TMEM220: variants seen among roughly 807,000 people sequenced by gnomAD.
The protein encoded by TMEM220 is transmembrane protein 220.
In TMEM220, 21 loss-of-function variants were observed where a neutral mutation model predicts 21.7. The observed-to-expected ratio is 0.97, with a 90% CI of 0.69 to 1.39. The LOEUF (loss-of-function observed/expected upper bound fraction) is 1.39. Among genes scored for constraint, TMEM220 ranks in the 40% most tolerant of loss-of-function variants. The pLI is 0.00. For missense variants in TMEM220, 191 were observed against 201.9 expected, an observed-to-expected ratio of 0.95 and a Z score of 0.33; for synonymous variants, 80 against 73.6, an observed-to-expected ratio of 1.09 and a Z score of -0.45.
intron 5 of TMEM220, among the ~76,000 whole-genome samples, chr17:10,719,421 C>T (rs1011688165): frequency 6.6e-6 from 1 of 152,144 alleles, no homozygotes; most frequent in African/African-American, 2.4e-5. Context: ...GCACCCGCCA[C>T]CATGCCCGGC....
chr17:10,720,076 C>T (rs1396028731), intron 5 of TMEM220, among the ~76,000 whole-genome samples: 2 of 152,192 alleles, frequency 1.3e-5, no homozygotes, highest in African/African-American at 4.8e-5. Flanking sequence ...GCTGGCAAGG[C>T]TATGGGGAAA....
At chr17:10,724,909 G>T (rs1176178016) in intron 4 of TMEM220, 102 bp downstream of exon 4, 17 of 1,496,492 alleles carry the variant, frequency 1.1e-5, no homozygotes, top group Middle Eastern at 4.1e-4. Context: ...GGTACACTGG[G>T]GGAATTCAGT....
Position 10,725,129 on chromosome 17 carries a change from C to A in TMEM220, c.169G>T (p.Val57Phe). 6.2e-7 allele frequency: 1 copy of A among 1,613,800 alleles called. No homozygotes were observed. The highest frequency in any genetic ancestry group is 8.5e-7 in the Non-Finnish European group (1 of 1,179,834). The change falls in exon 4 of 6, where the codon GTT becomes TTT. Residue 57 changes from valine (V) to phenylalanine (F), a missense_variant. Transcript: ENST00000341871. ...VGLNPEVTGN[V>F]IWKSISAIHI... ...ATTGCAGAGATACTTTTCCAAATAA[C>A]ATTACCTAAAAATAGATGTTCTGAT...
chr17:10,719,934 A>T lies in TMEM220; in HGVS notation c.347+3336T>A, dbSNP rs1007612023. Among the ~76,000 whole-genome samples, 3 of 152,220 alleles carry T rather than the reference A, an allele frequency of 2.0e-5. 1 individual carries two copies. The highest frequency in any genetic ancestry group is 2.0e-4 in the Admixed American group (3 of 15,284). On this transcript the variant is annotated intron_variant, in intron 5 of 5. Transcript: ENST00000341871. ...AGATAGACCAAGATTTTTATAGAAAAAGAAATATAAATGGCTCTGAACCAT... is the reference window on the plus strand; with the variant it reads ...AGATAGACCAAGATTTTTATAGAAATAGAAATATAAATGGCTCTGAACCAT...
chr17:10,715,513 G>A lies in TMEM220; in HGVS notation c.423C>T (p.Tyr141=), dbSNP rs1345761387. The A allele has an allele frequency of 6.2e-7, 1 of 1,606,464 alleles. No individual in the cohort carries two copies. The highest frequency in any genetic ancestry group is 1.7e-5 in the Admixed American group (1 of 57,770). ...ACCGCATTTCCTTGTTAATATATATGTAGACCCATGAGATAAATGGGAAAA... is the reference window on the plus strand; with the variant it reads ...ACCGCATTTCCTTGTTAATATATATATAGACCCATGAGATAAATGGGAAAA... The part of the protein sequence containing the change: ...ITLFPFISWV[Y]IYINKEMRSS... Residue 141 remains tyrosine, a synonymous_variant, in exon 6 of 6, where the codon TAC becomes TAT. Coordinates refer to ENST00000341871, the MANE Select transcript of TMEM220 (RefSeq NM_001004313.3).
At chr17:10,726,454 A>G in intron 2 of TMEM220, 190 bp from the exon 3 acceptor site, 1 of 612,448 alleles carries the variant, frequency 1.6e-6, no homozygotes, top group East Asian at 2.8e-5. Context: ...TCTGCCTGCA[A>G]TTTTATCTAC....
chr17:10,719,456 C>G (rs758245280), intron 5 of TMEM220, among the ~76,000 whole-genome samples: 2 of 152,014 alleles, frequency 1.3e-5, no homozygotes, highest in Non-Finnish European at 2.9e-5. Flanking sequence ...TTAGTAGAGA[C>G]AGGATTGCAC....
In TMEM220 at chr17:10,713,699, A is replaced by G. The variant is rs1017687720; in HGVS notation, c.*1754T>C. Reference sequence around the variant, plus strand: ...CTTAAGTTTCACTTTGACTGTTTTAATATCAACTAGATTTGTTTTCCCCCT... The same window carrying G: ...CTTAAGTTTCACTTTGACTGTTTTAGTATCAACTAGATTTGTTTTCCCCCT... On this transcript the variant is annotated 3_prime_UTR_variant, in exon 6 of 6. Transcript: ENST00000341871. The G allele has an allele frequency of 2.0e-5, 3 of 152,208 alleles. No individual in the cohort carries two copies. The highest frequency in any genetic ancestry group is 4.4e-5 in the Non-Finnish European group (3 of 68,032). 9.4% of individuals were successfully genotyped at this position (152,208 alleles called of 1,614,324 possible). A position where few individuals can be genotyped will look rare whatever the true frequency, so the allele number is the denominator to read the frequency against.
intron 5 of TMEM220, among the ~76,000 whole-genome samples, chr17:10,722,651 T>C (rs1330464305): frequency 6.6e-6 from 1 of 152,242 alleles, no homozygotes; most frequent in East Asian, 1.9e-4. Flanking sequence ...ATTTCTATCC[T>C]GTATATGTTT....
At chr17:10,712,790 G>GC (rs1281860422), downstream of TMEM220, among the ~76,000 whole-genome samples, 4 of 152,204 alleles carry the variant, frequency 2.6e-5, no homozygotes, top group Admixed American at 1.3e-4. Context: ...GGGGGATGTG[G>GC]CAAGAAATAT....
downstream of TMEM220, among the ~76,000 whole-genome samples, chr17:10,712,197 G>A (rs1262931800): frequency 2.0e-4 from 30 of 152,276 alleles, no homozygotes. Context: ...GCATTCTGTG[G>A]CTCATGGCCC....
downstream of TMEM220, among the ~76,000 whole-genome samples, chr17:10,712,229 GC>G (rs2074858756): frequency 6.6e-6 from 1 of 152,186 alleles, no homozygotes; most frequent in Admixed American, 6.5e-5. Context: ...TTCAAAGCCA[GC>G]AGTGTAGCAT....
downstream of TMEM220, among the ~76,000 whole-genome samples, chr17:10,711,415 C>T (rs970010423): frequency 3.9e-5 from 6 of 151,924 alleles, no homozygotes; most frequent in African/African-American, 9.7e-5. Context: ...CTTATTTGGC[C>T]CTACCTGATT....
Position 10,729,839 on chromosome 17 carries a change from G to C in TMEM220, c.13C>G (p.Leu5Val). The C allele has an allele frequency of 7.3e-7, 1 of 1,377,220 alleles. No individual in the cohort carries two copies. The allele number at this position is 1,377,220 out of a possible 1,614,324, so 85.3% of individuals were successfully genotyped here. A position where few individuals can be genotyped will look rare whatever the true frequency, so the allele number is the denominator to read the frequency against. The stretch of plus-strand genomic sequence containing the variant: ...ATGAGTCCGTTGCAGGCCCGCCACA[G>C]CGCTGGCGCCATGGCTCGGAGAACA... The part of the protein sequence containing the change: MAPA[L>V]WRACNGLMAA... Residue 5 changes from leucine to valine, a missense_variant, in exon 1 of 6, where the codon CTG becomes GTG. Coordinates refer to ENST00000341871, the MANE Select transcript of TMEM220 (RefSeq NM_001004313.3).
chr17:10,728,593 G>T (rs1291087405), intron 2 of TMEM220, among the ~76,000 whole-genome samples: 1 of 152,172 alleles, frequency 6.6e-6, no homozygotes, highest in Admixed American at 6.5e-5. Flanking sequence ...TTGCAGGCGT[G>T]AGCCACCTTG....
At chr17:10,729,714 G>T in intron 1 of TMEM220, 66 bp downstream of exon 1, 1 of 1,275,868 alleles carries the variant, frequency 7.8e-7, no homozygotes, top group Non-Finnish European at 1.0e-6. Context: ...TCAGTTACAC[G>T]GCCCGCTAGG....
At chr17:10,728,979 C>T (rs2075086185) in intron 2 of TMEM220, 52 bp downstream of exon 2, 6 of 1,598,704 alleles carry the variant, frequency 3.8e-6, no homozygotes, top group South Asian at 3.3e-5. Context: ...TGTTTTGTGC[C>T]GTTCCCCAAT....
At chr17:10,711,381 G>A (rs2074852356), downstream of TMEM220, 6 of 471,888 alleles carry the variant, frequency 1.3e-5, no homozygotes, top group Non-Finnish European at 2.3e-5. Flanking sequence ...TCCTCATAAG[G>A]GGCATATAGT....
intron 4 of TMEM220, 36 bp from the exon 5 acceptor site, chr17:10,723,365 G>A (rs748074905): frequency 2.6e-6 from 4 of 1,559,714 alleles, no homozygotes; most frequent in Non-Finnish European, 3.5e-6. Flanking sequence ...TTTGGAAGTG[G>A]CTACAAGTGA....
Sources: gnomAD v4.1 joint callset for allele counts (sites outside exome capture counted in the v4.1 genomes callset) on GRCh38, gnomAD v4.1.1 for gene constraint, MANE v1.5 for transcripts, NCBI Gene and HGNC (gene_info 2026-07-23, HGNC 2026-07-21) for gene names.